Variants in ADORA2B observed in about 807,000 individuals in gnomAD.
The protein encoded by ADORA2B is adenosine receptor A2b.
Under a neutral mutation model 20.8 loss-of-function variants are expected in ADORA2B, and 18 were observed. The observed-to-expected ratio is 0.87, with a 90% CI of 0.60 to 1.29. The LOEUF (loss-of-function observed/expected upper bound fraction) is 1.29. Among genes scored for constraint, ADORA2B ranks in the 50% most tolerant of loss-of-function variants. The probability of loss-of-function intolerance (pLI) is 0.00; values close to 1 mark genes in which losing one functional copy is unlikely to be tolerated. For missense variants in ADORA2B, 441 were observed against 422.7 expected (o/e 1.04, Z -0.38); for synonymous variants, 179 against 178.3 (o/e 1.00, Z -0.03).
At chr17:15,934,429 T>C in the ADORA2B span, among the ~76,000 whole-genome samples, 1 of 152,156 alleles carries the variant, frequency 6.6e-6, no homozygotes, top group Non-Finnish European at 1.5e-5. Flanking sequence ...TTTCACCATA[T>C]TGGCCAGGCT....
chr17:15,934,718 A>T, the ADORA2B span, among the ~76,000 whole-genome samples: 1 of 152,148 alleles, frequency 6.6e-6, no homozygotes, highest in Non-Finnish European at 1.5e-5. Flanking sequence ...TATTAACATC[A>T]TACAAGTAAT....
chr17:15,887,875 C>T, the ADORA2B span, among the ~76,000 whole-genome samples: 12 of 106,894 alleles, frequency 1.1e-4, 2 homozygotes, highest in South Asian at 2.6e-3. Flanking sequence ...GGCATGAACC[C>T]GGGAGGCGGA....
chr17:15,886,243 G>GTATTTATTTATTTATTTATTTATTTATT, the ADORA2B span, among the ~76,000 whole-genome samples: 6 of 132,868 alleles, frequency 4.5e-5, no homozygotes, highest in South Asian at 2.2e-4. Context: ...GAATCTTGTA[G>GTATTTATTTATTTATTTATTTATTTATT]TGGCTCGCCC....
chr17:15,886,107 TCA>T, the ADORA2B span, among the ~76,000 whole-genome samples: 1 of 152,190 alleles, frequency 6.6e-6, no homozygotes, highest in Non-Finnish European at 1.5e-5. Flanking sequence ...ACTGGTTTCG[TCA>T]CACAGCACAT....
At chr17:15,906,688 A>G in the ADORA2B span, among the ~76,000 whole-genome samples, 2 of 152,148 alleles carry the variant, frequency 1.3e-5, no homozygotes, top group African/African-American at 2.4e-5. Context: ...TTTCTTCCTT[A>G]AGTATTAGAT....
At chr17:15,923,197 C>CCTTT in the ADORA2B span, among the ~76,000 whole-genome samples, 1 of 90,334 alleles carries the variant, frequency 1.1e-5, no homozygotes, top group African/African-American at 5.4e-5. Context: ...TAATTTCTTT[C>CCTTT]TTTTTTTAAT....
At chr17:15,927,557 GAATC>G in the ADORA2B span, among the ~76,000 whole-genome samples, 1 of 152,168 alleles carries the variant, frequency 6.6e-6, no homozygotes, top group Non-Finnish European at 1.5e-5. Flanking sequence ...TGAGGCAGGA[GAATC>G]GCTTGAACTC....
At chr17:15,867,698 C>A in the ADORA2B span, among the ~76,000 whole-genome samples, 3 of 149,776 alleles carry the variant, frequency 2.0e-5, no homozygotes, top group Non-Finnish European at 4.4e-5. Flanking sequence ...CCCGGCCAGC[C>A]GCCCCGTCCG....
At chr17:15,955,425 A>G (rs1301990806) in intron 1 of ADORA2B, among the ~76,000 whole-genome samples, 1 of 147,964 alleles carries the variant, frequency 6.8e-6, no homozygotes, top group African/African-American at 2.5e-5. Context: ...TTCGAGACAG[A>G]GTCTCGCTTG....
intron 1 of ADORA2B, among the ~76,000 whole-genome samples, chr17:15,947,049 G>C (rs1299464409): frequency 1.3e-5 from 2 of 152,148 alleles, no homozygotes; most frequent in East Asian, 3.9e-4. Flanking sequence ...GCTTGGGAGG[G>C]CTGTGAGCCT....
the ADORA2B span, among the ~76,000 whole-genome samples, chr17:15,858,534 C>T: frequency 6.6e-6 from 1 of 152,012 alleles, no homozygotes; most frequent in African/African-American, 2.4e-5. Flanking sequence ...CACTATTTGC[C>T]CTTTTTGTTT....
intron 1 of ADORA2B, among the ~76,000 whole-genome samples, chr17:15,946,852 T>G (rs1969813412): frequency 6.6e-6 from 1 of 152,014 alleles, no homozygotes; most frequent in Non-Finnish European, 1.5e-5. Context: ...TGTTTAGGAG[T>G]CAGGGAGAAA....
chr17:15,945,571 G>A lies in ADORA2B; in HGVS notation c.323G>A (p.Cys108Tyr). Residue 108 changes from cysteine to tyrosine, a missense_variant, in exon 1 of 2, where the codon TGT becomes TAT. Cys to Tyr is a radical substitution (Grantham distance 194, BLOSUM62 -2). Coordinates refer to ENST00000304222, the MANE Select transcript of ADORA2B (RefSeq NM_000676.4). ...AVAVDRYLAI[C>Y]VPLRYKSLVT... ...GCAGTCGACAGATACCTGGCCATCT[G>A]TGTCCCGCTCAGGTGAGGCGCTCGG... The A allele has an allele frequency of 6.5e-7, 1 of 1,547,052 alleles. No homozygotes were observed.
the ADORA2B span, among the ~76,000 whole-genome samples, chr17:15,856,557 A>G: frequency 6.6e-6 from 1 of 152,130 alleles, no homozygotes; most frequent in Non-Finnish European, 1.5e-5. Context: ...AGAACAAGAT[A>G]GGAAGATGTG....
At chr17:15,856,889 A>T in the ADORA2B span, among the ~76,000 whole-genome samples, 3 of 152,242 alleles carry the variant, frequency 2.0e-5, no homozygotes, top group Non-Finnish European at 4.4e-5. Context: ...TTCTGAAGAG[A>T]TACTCAGACC....
chr17:15,855,319 A>G, the ADORA2B span, among the ~76,000 whole-genome samples: 2 of 151,024 alleles, frequency 1.3e-5, no homozygotes, highest in African/African-American at 2.4e-5. Context: ...AAAATGAAGC[A>G]CAGAGGATGA....
chr17:15,902,549 A>G, the ADORA2B span, among the ~76,000 whole-genome samples: 6 of 152,196 alleles, frequency 3.9e-5, no homozygotes, highest in Non-Finnish European at 8.8e-5. Context: ...GTACGGATAA[A>G]CCACATTTTG....
chr17:15,869,497 A>G, the ADORA2B span, among the ~76,000 whole-genome samples: 1 of 152,220 alleles, frequency 6.6e-6, no homozygotes, highest in East Asian at 1.9e-4. Flanking sequence ...TTATATTATG[A>G]CCTATAATTT....
At chr17:15,871,517 C>T in the ADORA2B span, among the ~76,000 whole-genome samples, 1 of 152,154 alleles carries the variant, frequency 6.6e-6, no homozygotes, top group Non-Finnish European at 1.5e-5. Context: ...ACTAGGATTA[C>T]AGGAGGGTTC....
Sources: allele counts gnomAD v4.1 joint callset (sites outside exome capture counted in the v4.1 genomes callset), GRCh38; gene constraint gnomAD v4.1.1; transcripts MANE v1.5; gene names NCBI Gene and HGNC (gene_info 2026-07-23, HGNC 2026-07-21).